Variants in RMDN3 observed in about 807,000 individuals in gnomAD.
The protein encoded by RMDN3 is regulator of microtubule dynamics protein 3.
RMDN3 carries 41 observed loss-of-function variants against 61.8 expected under a neutral mutation model. The ratio of observed to expected loss-of-function variants is 0.66; its 90% CI spans 0.52 to 0.86. RMDN3 has a LOEUF of 0.86. RMDN3 is among the 40% of genes least tolerant of loss of function. The probability of loss-of-function intolerance (pLI) is 0.00; values close to 1 mark genes in which losing one functional copy is unlikely to be tolerated. For synonymous variants in RMDN3, 247 were observed against 232.0 expected (o/e 1.06, Z -0.59); for missense variants, 557 against 585.3 (o/e 0.95, Z 0.50).
In RMDN3 at chr15:40,741,466, C is replaced by T. The variant is rs753266250; in HGVS notation, c.911-1273G>A. ...GAGATGACGTTCACTTAGTCTTACCCGAGTTTTCTAGGTTAGTGTTCTAAC... is the reference window on the plus strand; with the variant it reads ...GAGATGACGTTCACTTAGTCTTACCTGAGTTTTCTAGGTTAGTGTTCTAAC... On this transcript the variant is annotated intron_variant, in intron 6 of 12. Coordinates refer to ENST00000338376, the MANE Select transcript of RMDN3 (RefSeq NM_018145.3). Among the ~76,000 whole-genome samples, 18 of 152,108 alleles carry T rather than the reference C, an allele frequency of 1.2e-4. 1 individual carries two copies. In the South Asian group the frequency reaches 2.9e-3, roughly 25 times the overall value.
At chr15:40,737,878 A>G in intron 9 of RMDN3, 87 bp downstream of exon 9, 1 of 1,512,880 alleles carries the variant, frequency 6.6e-7, no homozygotes, top group Middle Eastern at 1.7e-4. Flanking sequence ...GAGCCAGAGA[A>G]GGCTGAGGAT....
intron 6 of RMDN3, among the ~76,000 whole-genome samples, chr15:40,742,171 G>GTTTTT (rs896797307): frequency 1.5e-5 from 2 of 134,962 alleles, no homozygotes; most frequent in Non-Finnish European, 1.6e-5. Context: ...AATTTTTTAA[G>GTTTTT]TTTTTTTTTT....
In RMDN3 at chr15:40,737,137, T is replaced by G. The variant is rs1897084985; in HGVS notation, c.1346A>C (p.Asp449Ala). The change falls in exon 12 of 13, where the codon GAT becomes GCT. Residue 449 changes from aspartate to alanine, a missense_variant. Coordinates refer to ENST00000338376, the MANE Select transcript of RMDN3 (RefSeq NM_018145.3). ...WWMKLALELP[D>A]VTKEDLAIQK... ...AAAAAGCCTTACCTCCTTCGTGACA[T>G]CTGGCAGCTCCAGGGCCAACTTCAT... is the stretch of plus-strand genomic sequence containing the variant. 1 of 1,614,160 alleles carries G rather than the reference T, an allele frequency of 6.2e-7. No homozygotes were observed. The highest frequency in any genetic ancestry group is 8.5e-7 in the Non-Finnish European group (1 of 1,179,984).
chr15:40,752,223 G>A, intron 2 of RMDN3, 45 bp from the exon 3 acceptor site: 2 of 1,570,806 alleles, frequency 1.3e-6, no homozygotes, highest in Non-Finnish European at 1.7e-6. Flanking sequence ...CAGGAATATG[G>A]TGGGGAAGAG....
chr15:40,744,293 C>G (rs1171326648), intron 5 of RMDN3, 144 bp from the exon 6 acceptor site: 1 of 677,206 alleles, frequency 1.5e-6, no homozygotes, highest in Non-Finnish European at 2.6e-6. Context: ...TACACGCAGC[C>G]TTCCCCCCAG....
chr15:40,737,197 C>T lies in RMDN3; in HGVS notation c.1286G>A (p.Arg429Lys), dbSNP rs747273776. ...AGCTTCAGAGTTTTTCCCTAGTTCT[C>T]TGTAGCACTGAAAAGAGACAACAGT... ...AGRVYISKCY[R>K]ELGKNSEARW... The change falls in exon 12 of 13, where the codon AGA (arginine) becomes AAA (lysine). Residue 429 changes from arginine to lysine, a missense_variant. Arg to Lys is a conservative substitution (Grantham distance 26, BLOSUM62 2). Transcript: ENST00000338376. 1.2e-6 allele frequency: 2 copies of T among 1,614,178 alleles called. No homozygotes were observed. The highest frequency in any genetic ancestry group is 1.7e-6 in the Non-Finnish European group (2 of 1,180,010).
chr15:40,749,658 G>C (rs1897729352), intron 4 of RMDN3, among the ~76,000 whole-genome samples: 1 of 152,188 alleles, frequency 6.6e-6, no homozygotes, highest in African/African-American at 2.4e-5. Flanking sequence ...CTGCTTCCTT[G>C]GGTTGCAGAG....
In RMDN3 at chr15:40,737,624, A is replaced by G. The variant is rs1284719289; in HGVS notation, c.1224+4T>C. ...TTTTTGCCTGCCACCTGCCCCTCTC[A>G]TACCTTTAGGAAGCTCTGGAGGGCA... On this transcript the variant is annotated splice_donor_region_variant and intron_variant, in intron 10 of 12. Coordinates refer to ENST00000338376, the MANE Select transcript of RMDN3 (RefSeq NM_018145.3). 6.2e-7 allele frequency: 1 copy of G among 1,612,672 alleles called. No individual in the cohort carries two copies. The highest frequency in any genetic ancestry group is 2.2e-5 in the East Asian group (1 of 44,878).
chr15:40,745,781 A>C (rs757344683), intron 4 of RMDN3, among the ~76,000 whole-genome samples: 1 of 152,176 alleles, frequency 6.6e-6, no homozygotes, highest in Non-Finnish European at 1.5e-5. Flanking sequence ...AAATGTGAGA[A>C]GTCCCTGCTC....
chr15:40,740,730 C>G (rs536856742), intron 6 of RMDN3, among the ~76,000 whole-genome samples: 1 of 152,140 alleles, frequency 6.6e-6, no homozygotes, highest in Non-Finnish European at 1.5e-5. Flanking sequence ...TTAGAAACCC[C>G]AGTTACCTTC....
At chr15:40,739,406 C>T (rs185234859) in intron 7 of RMDN3, 1 of 152,282 alleles carries the variant, frequency 6.6e-6, no homozygotes, top group East Asian at 1.9e-4. Context: ...GCAGTGACAC[C>T]CAAGAAACAG....
chr15:40,754,921 C>A (rs1897982872), intron 1 of RMDN3, 131 bp from the exon 2 acceptor site: 6 of 727,230 alleles, frequency 8.3e-6, no homozygotes, highest in Non-Finnish European at 1.3e-5. Flanking sequence ...TTGCCCAAAC[C>A]CTGAGCTCTC....
intron 4 of RMDN3, among the ~76,000 whole-genome samples, chr15:40,749,659 G>C (rs992730759): frequency 6.6e-6 from 1 of 152,184 alleles, no homozygotes; most frequent in Non-Finnish European, 1.5e-5. Context: ...TGCTTCCTTG[G>C]GTTGCAGAGA....
rs745756375 is a variant in RMDN3, at chr15:40,752,165, C to T, written c.201G>A (p.Arg67=). 135 of 1,613,684 alleles carry T rather than the reference C, an allele frequency of 8.4e-5. No individual in the cohort carries two copies. The highest frequency in any genetic ancestry group is 1.1e-4 in the Non-Finnish European group (128 of 1,179,844). Residue 67 remains arginine, a synonymous_variant, in exon 3 of 13, where the codon CGG becomes CGA. Coordinates refer to ENST00000338376, the MANE Select transcript of RMDN3 (RefSeq NM_018145.3). ...CATCTCCAGCCCCACCTGGGACAGCCCGCAGGAGCATCACTGAAGGGGGAA... is the reference window on the plus strand; with the variant it reads ...CATCTCCAGCCCCACCTGGGACAGCTCGCAGGAGCATCACTGAAGGGGGAA... ...SDPGRHVMLL[R]AVPGGAGDAS...
At chr15:40,742,472 C>G (rs1408220469) in intron 6 of RMDN3, among the ~76,000 whole-genome samples, 2 of 152,200 alleles carry the variant, frequency 1.3e-5, no homozygotes, top group Non-Finnish European at 2.9e-5. Context: ...AAGAATGAGA[C>G]AACTAGTTCC....
At chr15:40,738,416 T>C (rs991736801) in intron 8 of RMDN3, 85 bp downstream of exon 8, 2 of 1,305,310 alleles carry the variant, frequency 1.5e-6, no homozygotes, top group Non-Finnish European at 2.2e-6. Context: ...ACTGAGGCTG[T>C]AGAAAAGTTT....
At chr15:40,737,826 T>G in intron 9 of RMDN3, 100 bp from the exon 10 acceptor site, 3 of 1,457,674 alleles carry the variant, frequency 2.1e-6, no homozygotes, top group Non-Finnish European at 2.9e-6. Context: ...CGGGGCTGGG[T>G]CGAACCACCA....
chr15:40,737,352 G>C lies in RMDN3; in HGVS notation c.1225-11C>G. The C allele has an allele frequency of 1.2e-6, 2 of 1,612,542 alleles. No homozygotes were observed. Among genetic ancestry groups the C allele is most frequent in the Non-Finnish European group, 1.7e-6 (2 of 1,178,572 alleles). ...CTGTAGTTCTTCAGCCTGGGAAAAG[G>C]GACAAAGATATTTCAGTAAGAGGTT... On this transcript the variant is annotated splice_polypyrimidine_tract_variant and intron_variant, in intron 10 of 12. Transcript: ENST00000338376.
intron 5 of RMDN3, among the ~76,000 whole-genome samples, 173 bp downstream of exon 5, chr15:40,744,804 G>A (rs892963684): frequency 2.1e-4 from 32 of 152,226 alleles, no homozygotes; most frequent in African/African-American, 6.7e-4. Context: ...GGGCCTCCTT[G>A]GAAGAGGATA....
Sources: allele counts gnomAD v4.1 joint callset (sites outside exome capture counted in the v4.1 genomes callset), GRCh38; gene constraint gnomAD v4.1.1; transcripts MANE v1.5; gene names NCBI Gene and HGNC (gene_info 2026-07-23, HGNC 2026-07-21).